NKAIN2: variants seen among roughly 807,000 people sequenced by gnomAD.
NKAIN2 encodes sodium/potassium-transporting ATPase subunit beta-1-interacting protein 2.
NKAIN2 carries 14 observed loss-of-function variants against 32.6 expected under a neutral mutation model. The observed-to-expected ratio is 0.43, with a 90% CI of 0.28 to 0.67. The LOEUF is 0.67. NKAIN2 is among the 30% of genes least tolerant of loss of function. NKAIN2 has a pLI of 0.17. For synonymous variants in NKAIN2, 80 were observed against 87.2 expected (o/e 0.92, Z 0.46); for missense variants, 198 against 258.3 (o/e 0.77, Z 1.60).
chr6:124,127,425 A>T (rs554816868), intron 1 of NKAIN2, among the ~76,000 whole-genome samples: 1 of 152,232 alleles, frequency 6.6e-6, no homozygotes, highest in Non-Finnish European at 1.5e-5. Context: ...CTAATATTAG[A>T]GATGACAGTA....
chr6:124,779,159 A>G (rs1450778458), intron 4 of NKAIN2, among the ~76,000 whole-genome samples: 1 of 151,628 alleles, frequency 6.6e-6, no homozygotes, highest in Non-Finnish European at 1.5e-5. Flanking sequence ...TGGGAGAATC[A>G]GTTGAGCCCT....
At chr6:124,010,503 T>C (rs1780274911) in intron 1 of NKAIN2, among the ~76,000 whole-genome samples, 2 of 150,362 alleles carry the variant, frequency 1.3e-5, no homozygotes, top group South Asian at 2.1e-4. Context: ...ATTGAGAAAG[T>C]TGAGTGTGTC....
At chr6:124,740,985 G>A (rs1437032076) in intron 4 of NKAIN2, among the ~76,000 whole-genome samples, 1 of 151,698 alleles carries the variant, frequency 6.6e-6, no homozygotes, top group Non-Finnish European at 1.5e-5. Flanking sequence ...AGACTATGGT[G>A]GCAAAGCAGA....
intron 2 of NKAIN2, among the ~76,000 whole-genome samples, chr6:124,353,022 G>A (rs371330279): frequency 1.4e-4 from 21 of 152,110 alleles, no homozygotes; most frequent in African/African-American, 4.8e-4. Context: ...AACTCTTCAC[G>A]TAGAGCTCTC....
intron 3 of NKAIN2, among the ~76,000 whole-genome samples, chr6:124,496,109 AC>A (rs1360292069): frequency 6.6e-6 from 1 of 152,148 alleles, no homozygotes; most frequent in Non-Finnish European, 1.5e-5. Flanking sequence ...TTATAAAGCT[AC>A]ACATACAGCC....
chr6:124,297,076 T>C (rs1355353107), intron 2 of NKAIN2, among the ~76,000 whole-genome samples: 1 of 152,140 alleles, frequency 6.6e-6, no homozygotes, highest in Non-Finnish European at 1.5e-5. Context: ...TAAAACCAGA[T>C]AATAAGAATT....
intron 3 of NKAIN2, among the ~76,000 whole-genome samples, chr6:124,458,492 T>C (rs1346260589): frequency 4.0e-5 from 6 of 151,866 alleles, no homozygotes; most frequent in Admixed American, 2.0e-4. Flanking sequence ...TAACTGGAAA[T>C]AAAATGACCC....
At chr6:124,385,985 A>G (rs1772882164) in intron 3 of NKAIN2, among the ~76,000 whole-genome samples, 1 of 152,180 alleles carries the variant, frequency 6.6e-6, no homozygotes, top group Non-Finnish European at 1.5e-5. Context: ...CATTTAGCCC[A>G]TTTCTAAAGA....
chr6:123,995,769 T>A (rs1399261532), intron 1 of NKAIN2, among the ~76,000 whole-genome samples: 1 of 152,168 alleles, frequency 6.6e-6, no homozygotes, highest in Non-Finnish European at 1.5e-5. Context: ...CTTGGCTAGA[T>A]GCTGTAATAG....
intron 4 of NKAIN2, among the ~76,000 whole-genome samples, chr6:124,750,541 ATGG>A (rs1373825310): frequency 3.3e-5 from 5 of 151,520 alleles, no homozygotes; most frequent in African/African-American, 1.2e-4. Context: ...GGATGGATGG[ATGG>A]ATATGAGATA....
At chr6:124,475,778 T>C (rs1389072120) in intron 3 of NKAIN2, among the ~76,000 whole-genome samples, 3 of 152,186 alleles carry the variant, frequency 2.0e-5, no homozygotes, top group Non-Finnish European at 2.9e-5. Context: ...AGAGTATGAC[T>C]GAACACACTT....
intron 5 of NKAIN2, among the ~76,000 whole-genome samples, chr6:124,801,438 A>C (rs1173100035): frequency 6.6e-6 from 1 of 152,222 alleles, no homozygotes; most frequent in African/African-American, 2.4e-5. Flanking sequence ...TGACTTGCTC[A>C]AAGTTAAACA....
At chr6:123,831,707 G>A (rs985668767) in intron 1 of NKAIN2, among the ~76,000 whole-genome samples, 27 of 149,618 alleles carry the variant, frequency 1.8e-4, no homozygotes, top group Non-Finnish European at 2.8e-4. Context: ...CCAGGCTGGA[G>A]TGCAGTGGCA....
chr6:124,426,086 T>G (rs1774969651), intron 3 of NKAIN2, among the ~76,000 whole-genome samples: 1 of 152,170 alleles, frequency 6.6e-6, no homozygotes, highest in African/African-American at 2.4e-5. Context: ...TACTGTCTTC[T>G]CCCTTGGAAT....
At chr6:123,977,808 G>C (rs183515728) in intron 1 of NKAIN2, among the ~76,000 whole-genome samples, 1 of 152,090 alleles carries the variant, frequency 6.6e-6, no homozygotes, top group Non-Finnish European at 1.5e-5. Context: ...TGCATCACTT[G>C]TATTTCTCTG....
intron 3 of NKAIN2, among the ~76,000 whole-genome samples, chr6:124,452,406 T>C (rs768852307): frequency 2.0e-5 from 3 of 152,056 alleles, no homozygotes; most frequent in Non-Finnish European, 2.9e-5. Flanking sequence ...GAAACTTCTA[T>C]TGGGGTTTAT....
intron 1 of NKAIN2, among the ~76,000 whole-genome samples, chr6:124,179,110 T>C (rs1789308813): frequency 6.6e-6 from 1 of 152,198 alleles, no homozygotes; most frequent in African/African-American, 2.4e-5. Context: ...ATCAAGGAAT[T>C]TGAAACCAAT....
At chr6:124,323,233 T>C (rs143769340) in intron 2 of NKAIN2, among the ~76,000 whole-genome samples, 5 of 152,308 alleles carry the variant, frequency 3.3e-5, no homozygotes, top group Admixed American at 2.0e-4. Context: ...TATCTTTTCA[T>C]ACTTTTAGTA....
At chr6:124,422,732 A>G (rs1297682748) in intron 3 of NKAIN2, among the ~76,000 whole-genome samples, 1 of 152,234 alleles carries the variant, frequency 6.6e-6, no homozygotes, top group Non-Finnish European at 1.5e-5. Flanking sequence ...TTATTTTACT[A>G]TTCTCAACAG....
Sources: gnomAD v4.1 joint callset for allele counts (sites outside exome capture counted in the v4.1 genomes callset) on GRCh38, gnomAD v4.1.1 for gene constraint, MANE v1.5 for transcripts, NCBI Gene and HGNC (gene_info 2026-07-23, HGNC 2026-07-21) for gene names.